The following EHBP1 variants were observed in gnomAD, a reference collection of about 807,000 sequenced individuals.
EHBP1 encodes EH domain-binding protein 1.
Under a neutral mutation model 144.0 loss-of-function variants are expected in EHBP1, and 55 were observed. The observed-to-expected ratio is 0.38, with a 90% CI of 0.31 to 0.48. The LOEUF (loss-of-function observed/expected upper bound fraction) is 0.48, where lower values mean the gene tolerates loss of function less well. EHBP1 is among the 20% of genes least tolerant of loss of function. EHBP1 has a pLI of 0.98. For missense variants in EHBP1, 1,200 were observed against 1,364.2 expected (o/e 0.88, Z 1.90); for synonymous variants, 469 against 472.7 (o/e 0.99, Z 0.10).
chr2:62,943,774 G>T (rs745970942), intron 11 of EHBP1, 28 bp from the exon 12 acceptor site: 1 of 1,532,180 alleles, frequency 6.5e-7, no homozygotes, highest in Non-Finnish European at 8.9e-7. Context: ...AATACTATAT[G>T]TACCCACTGT....
At chr2:63,034,131 T>G (rs2061370651) in intron 19 of EHBP1, among the ~76,000 whole-genome samples, 1 of 152,092 alleles carries the variant, frequency 6.6e-6, no homozygotes, top group African/African-American at 2.4e-5. Flanking sequence ...GAGATTATAT[T>G]AAGTAGTCCA....
intron 5 of EHBP1, among the ~76,000 whole-genome samples, chr2:62,810,676 T>C (rs1251968740): frequency 6.6e-6 from 1 of 152,200 alleles, no homozygotes; most frequent in Non-Finnish European, 1.5e-5. Flanking sequence ...TATCAGCACA[T>C]GCATTCAAGT....
At chr2:62,994,344 C>A (rs2059546161) in intron 18 of EHBP1, among the ~76,000 whole-genome samples, 1 of 152,076 alleles carries the variant, frequency 6.6e-6, no homozygotes, top group Non-Finnish European at 1.5e-5. Flanking sequence ...AATTTCTCAG[C>A]CAACCCATTT....
chr2:62,786,610 G>C (rs1364563107), intron 5 of EHBP1, among the ~76,000 whole-genome samples: 10 of 152,152 alleles, frequency 6.6e-5, no homozygotes, highest in Admixed American at 5.9e-4. Flanking sequence ...AGTTTTGCCT[G>C]GAGTTTGCTA....
chr2:62,704,318 C>T (rs964005531), upstream of EHBP1, among the ~76,000 whole-genome samples: 3 of 152,132 alleles, frequency 2.0e-5, no homozygotes, highest in African/African-American at 7.2e-5. Context: ...TGGATTCAAG[C>T]CTTATATCTG....
intron 5 of EHBP1, among the ~76,000 whole-genome samples, chr2:62,814,221 T>C (rs13408754): frequency 1.2e-3 from 187 of 152,306 alleles, no homozygotes; most frequent in Middle Eastern, 0.01. Flanking sequence ...AATTTCATCA[T>C]CTTGAGAGCA....
At chr2:62,678,213 T>A (rs1017509814) in intron 1 of EHBP1, among the ~76,000 whole-genome samples, 1 of 152,256 alleles carries the variant, frequency 6.6e-6, no homozygotes, top group African/African-American at 2.4e-5. Context: ...GCAGTTTTGA[T>A]TTTCATTTCT....
chr2:63,008,420 T>A (rs1174115406), intron 19 of EHBP1, among the ~76,000 whole-genome samples: 1 of 151,690 alleles, frequency 6.6e-6, no homozygotes, highest in African/African-American at 2.4e-5. Context: ...TTTCATTTTT[T>A]TAATTTCTTT....
chr2:62,975,334 T>C (rs962361518), intron 14 of EHBP1, among the ~76,000 whole-genome samples: 1 of 152,172 alleles, frequency 6.6e-6, no homozygotes, highest in Non-Finnish European at 1.5e-5. Context: ...TACATACAAG[T>C]CACTAAAGCT....
At chr2:62,830,211 T>TAC (rs111857004) in intron 6 of EHBP1, among the ~76,000 whole-genome samples, 90,872 of 145,940 alleles carry the variant, frequency 0.62, 28,487 homozygotes, top group Middle Eastern at 0.81. Context: ...TATACACATA[T>TAC]ACACACACAC....
intron 2 of EHBP1, among the ~76,000 whole-genome samples, chr2:62,730,312 C>T (rs2037387357): frequency 6.6e-6 from 1 of 152,096 alleles, no homozygotes; most frequent in East Asian, 1.9e-4. Context: ...CTCCCCCTCT[C>T]CCTCCCACTG....
intron 15 of EHBP1, among the ~76,000 whole-genome samples, chr2:62,981,820 A>G (rs2153203345): frequency 6.6e-6 from 1 of 152,356 alleles, no homozygotes; most frequent in Middle Eastern, 3.4e-3. Context: ...GAAATGAAGA[A>G]GGGGCAGGGT....
At chr2:62,812,293 T>G (rs965162842) in intron 5 of EHBP1, among the ~76,000 whole-genome samples, 1 of 151,824 alleles carries the variant, frequency 6.6e-6, no homozygotes, top group Non-Finnish European at 1.5e-5. Context: ...CAAAAAAAAA[T>G]GGACTAAGAC....
chr2:62,711,204 A>T (rs1208816163), intron 2 of EHBP1, among the ~76,000 whole-genome samples: 1 of 152,186 alleles, frequency 6.6e-6, no homozygotes, highest in African/African-American at 2.4e-5. Context: ...GGTATAATTT[A>T]CACTTGCATA....
intron 5 of EHBP1, among the ~76,000 whole-genome samples, chr2:62,784,605 A>G (rs2042681270): frequency 6.6e-6 from 1 of 152,194 alleles, no homozygotes. Context: ...CATGAACTTG[A>G]AAGACTTTTA....
intron 2 of EHBP1, among the ~76,000 whole-genome samples, chr2:62,720,827 C>G (rs1190350462): frequency 6.6e-6 from 1 of 152,012 alleles, no homozygotes; most frequent in African/African-American, 2.4e-5. Flanking sequence ...AGTTGATGAG[C>G]TTTAAAAAAA....
chr2:62,896,800 T>C (rs13035057), intron 10 of EHBP1, among the ~76,000 whole-genome samples: 186 of 152,262 alleles, frequency 1.2e-3, no homozygotes, highest in Non-Finnish European at 2.1e-3. Flanking sequence ...GTTCCTTAAG[T>C]CTACTCCAAA....
At chr2:62,706,524 A>G (rs946334347) in intron 1 of EHBP1, 2 of 152,262 alleles carry the variant, frequency 1.3e-5, no homozygotes, top group Non-Finnish European at 2.9e-5. Context: ...AAAGTTTATT[A>G]AAAAATACTC....
chr2:62,796,311 T>C (rs2043533898), intron 5 of EHBP1, among the ~76,000 whole-genome samples: 1 of 152,112 alleles, frequency 6.6e-6, no homozygotes, highest in East Asian at 1.9e-4. Flanking sequence ...GAATTACCTT[T>C]GTTAATTTAT....
Sources: gnomAD v4.1 joint callset for allele counts (sites outside exome capture counted in the v4.1 genomes callset) on GRCh38, gnomAD v4.1.1 for gene constraint, MANE v1.5 for transcripts, NCBI Gene and HGNC (gene_info 2026-07-23, HGNC 2026-07-21) for gene names.